Variants in EIF4E1B observed in about 807,000 individuals in gnomAD.
The protein encoded by EIF4E1B is eukaryotic translation initiation factor 4E family member 1B.
Under a neutral mutation model 31.3 loss-of-function variants are expected in EIF4E1B, and 22 were observed. That is an observed-to-expected ratio of 0.70 (90% CI 0.50 to 1.00). The LOEUF is 1.00. Among genes scored for constraint, EIF4E1B ranks in the 50% least tolerant of loss-of-function variants. EIF4E1B has a pLI of 0.00. For synonymous variants in EIF4E1B, 126 were observed against 120.2 expected (o/e 1.05, Z -0.31); for missense variants, 290 against 311.6 (o/e 0.93, Z 0.52).
chr5:176,643,771 G>T (rs1405236640), intron 5 of EIF4E1B, 37 bp downstream of exon 5: 3 of 1,581,694 alleles, frequency 1.9e-6, no homozygotes, highest in Non-Finnish European at 2.6e-6. Context: ...GAGTTGGGGG[G>T]CTCTGAGCTC....
In EIF4E1B at chr5:176,646,457, C is replaced by G. The variant is rs1328203781; in HGVS notation, c.*477C>G. 1 of 155,910 alleles carries G rather than the reference C, an allele frequency of 6.4e-6. No homozygotes were observed. Among genetic ancestry groups the G allele is most frequent in the African/African-American group, 2.4e-5 (1 of 41,540 alleles). The allele number at this position is 155,910 out of a possible 1,614,324, so 9.7% of individuals were successfully genotyped here. On this transcript the variant is annotated 3_prime_UTR_variant, in exon 9 of 9. Transcript: ENST00000318682. Reference sequence around the variant, plus strand: ...TGAGAGAGCCTTGCAAGGCCGCTCCCCTTCTCCCCAGCTGTGACCAGGGCT... The same window carrying G: ...TGAGAGAGCCTTGCAAGGCCGCTCCGCTTCTCCCCAGCTGTGACCAGGGCT...
At chr5:176,636,117 A>G (rs148639443) in intron 1 of EIF4E1B, among the ~76,000 whole-genome samples, 6 of 152,258 alleles carry the variant, frequency 3.9e-5, no homozygotes, top group Non-Finnish European at 8.8e-5. Context: ...GTTCCCAGCT[A>G]GATTCACCAA....
In EIF4E1B at chr5:176,646,516, A is replaced by AGT. The variant is rs1346065044; in HGVS notation, c.*538_*539dup. The AGT allele has an allele frequency of 2.0e-5, 3 of 152,934 alleles. No homozygotes were observed. The highest frequency in any genetic ancestry group is 4.4e-5 in the Non-Finnish European group (3 of 68,530). 9.5% of individuals were successfully genotyped at this position (152,934 alleles called of 1,614,324 possible). A position where few individuals can be genotyped will look rare whatever the true frequency, so the allele number is the denominator to read the frequency against. On this transcript the variant is annotated 3_prime_UTR_variant, in exon 9 of 9. Coordinates refer to ENST00000318682, the MANE Select transcript of EIF4E1B (RefSeq NM_001099408.2). ...CTTGCCTGCCTCAGGGCCAGACTGA[A>AGT]GTGGAGGTGGAGGGATGCTGGGCTA...
rs1760654430 is a variant in EIF4E1B at position 176,644,420 on chromosome 5, G to A, written c.341G>A (p.Cys114Tyr). 2 of 1,596,066 alleles carry A rather than the reference G, an allele frequency of 1.3e-6. No individual in the cohort carries two copies. The highest frequency in any genetic ancestry group is 1.3e-5 in the African/African-American group (1 of 74,584). ...IQLASKLSSG[C>Y]DYALFKDGIQ... ...CTGGCCAGCAAGCTCTCCTCTGGCTGTGACTACGCCCTCTTCAAGGTAAGC... is the reference window on the plus strand; with the variant it reads ...CTGGCCAGCAAGCTCTCCTCTGGCTATGACTACGCCCTCTTCAAGGTAAGC... Residue 114 changes from cysteine (C) to tyrosine (Y), a missense_variant, in exon 6 of 9, where the codon TGT becomes TAT. By Grantham distance (194) the Cys-to-Tyr change is radical. Coordinates refer to ENST00000318682, the MANE Select transcript of EIF4E1B (RefSeq NM_001099408.2).
intron 1 of EIF4E1B, among the ~76,000 whole-genome samples, chr5:176,637,466 A>G: frequency 6.6e-6 from 1 of 152,200 alleles, no homozygotes; most frequent in Middle Eastern, 3.2e-3. Context: ...GGGGACCTTG[A>G]GGAAGGCAAG....
Position 176,640,378 on chromosome 5 carries a change from C to T in EIF4E1B, c.-201-1665C>T, listed in dbSNP as rs75650798. 9.8e-3 allele frequency among the ~76,000 whole-genome samples: 1,492 copies of T among 152,336 alleles called. 27 individuals are homozygous for T. Among genetic ancestry groups the T allele is most frequent in the African/African-American group, 0.031 (1,298 of 41,564 alleles). Reference sequence around the variant, plus strand: ...GGGCTGTCCTACTGAGCACTACCCACATTGCACGCTTGTGAGCATAATAAA... The same window carrying T: ...GGGCTGTCCTACTGAGCACTACCCATATTGCACGCTTGTGAGCATAATAAA... On this transcript the variant is annotated intron_variant, in intron 1 of 8. Coordinates refer to ENST00000318682, the MANE Select transcript of EIF4E1B (RefSeq NM_001099408.2).
At chr5:176,632,898 G>A (rs1167697272) in intron 1 of EIF4E1B, among the ~76,000 whole-genome samples, 1 of 152,138 alleles carries the variant, frequency 6.6e-6, no homozygotes, top group African/African-American at 2.4e-5. Context: ...ACTGACAGGT[G>A]CAGCTCCAGA....
Position 176,631,083 on chromosome 5 carries a change from G to A in EIF4E1B, c.-202+19G>A, listed in dbSNP as rs1195932077. 2 of 152,376 alleles carry A rather than the reference G, an allele frequency of 1.3e-5. No homozygotes were observed. The highest frequency in any genetic ancestry group is 1.9e-4 in the East Asian group (1 of 5,204). The allele number at this position is 152,376 out of a possible 1,614,324, so 9.4% of individuals were successfully genotyped here. ...ACAGCTTGTAAGTTGTGAAGGTAAC[G>A]GTGATGTAACACGGGGACTAGAGGA... On this transcript the variant is annotated intron_variant, in intron 1 of 8. Transcript: ENST00000318682.
chr5:176,642,848 C>CT lies in EIF4E1B; in HGVS notation c.15+47dup. The CT allele has an allele frequency of 8.2e-6, 11 of 1,345,616 alleles. 1 individual carries two copies. Among genetic ancestry groups the CT allele is most frequent in the Non-Finnish European group, 1.1e-5 (11 of 1,028,806 alleles). The allele number at this position is 1,345,616 out of a possible 1,614,324, so 83.4% of individuals were successfully genotyped here. On this transcript the variant is annotated intron_variant, in intron 3 of 8. Coordinates refer to ENST00000318682, the MANE Select transcript of EIF4E1B (RefSeq NM_001099408.2). ...ACCCCCAGTGCACCATGGCCCCGCC[C>CT]TCTCCCCCCCCCCCCCCGCCCCAGG...
At chr5:176,643,556 G>A in intron 4 of EIF4E1B, 83 bp from the exon 5 acceptor site, 1 of 1,347,512 alleles carries the variant, frequency 7.4e-7, no homozygotes, top group Non-Finnish European at 1.0e-6. Flanking sequence ...TTGAAGGGGA[G>A]GGTCCTCCCT....
intron 1 of EIF4E1B, among the ~76,000 whole-genome samples, chr5:176,639,267 G>A (rs1760539726): frequency 6.6e-6 from 1 of 152,222 alleles, no homozygotes; most frequent in African/African-American, 2.4e-5. Context: ...GGGGAGTTGG[G>A]AGGGAGAGGA....
chr5:176,644,328 G>A, intron 5 of EIF4E1B, 48 bp from the exon 6 acceptor site: 1 of 1,549,194 alleles, frequency 6.5e-7, no homozygotes, highest in Non-Finnish European at 8.7e-7. Flanking sequence ...TTGGAACCAG[G>A]CCCTAAAAAG....
intron 1 of EIF4E1B, among the ~76,000 whole-genome samples, chr5:176,631,683 C>T (rs994809269): frequency 4.0e-5 from 6 of 151,718 alleles, no homozygotes; most frequent in Non-Finnish European, 7.4e-5. Context: ...CCCAACCAAC[C>T]AAACAAAAAA....
intron 1 of EIF4E1B, among the ~76,000 whole-genome samples, chr5:176,636,447 G>A (rs1294645701): frequency 6.6e-6 from 1 of 152,230 alleles, no homozygotes; most frequent in Admixed American, 6.5e-5. Context: ...AAGGGAACAT[G>A]GCAAAAGGTG....
chr5:176,646,069 A>C lies in EIF4E1B; in HGVS notation c.*89A>C. 1 of 1,144,636 alleles carries C rather than the reference A, an allele frequency of 8.7e-7. No homozygotes were observed. Among genetic ancestry groups the C allele is most frequent in the Non-Finnish European group, 1.3e-6 (1 of 790,572 alleles). The allele number at this position is 1,144,636 out of a possible 1,614,324, so 70.9% of individuals were successfully genotyped here. On this transcript the variant is annotated 3_prime_UTR_variant, in exon 9 of 9. Coordinates refer to ENST00000318682, the MANE Select transcript of EIF4E1B (RefSeq NM_001099408.2). ...GATGGGGCGGGACTGGGGATCAGACAGCCTAGTTCTTACCTGTCCTCAAGT... is the reference window on the plus strand; with the variant it reads ...GATGGGGCGGGACTGGGGATCAGACCGCCTAGTTCTTACCTGTCCTCAAGT...
intron 6 of EIF4E1B, 28 bp downstream of exon 6, chr5:176,644,467 C>T (rs557872587): frequency 2.3e-5 from 36 of 1,579,258 alleles, no homozygotes; most frequent in Non-Finnish European, 2.8e-5. Flanking sequence ...CTTTCCCTCC[C>T]GCAAAGGGAC....
At chr5:176,644,517 T>C in intron 6 of EIF4E1B, 78 bp downstream of exon 6, 2 of 709,016 alleles carry the variant, frequency 2.8e-6, no homozygotes, top group Non-Finnish European at 2.1e-6. Context: ...CGTTAATCCC[T>C]CAGAGGGGTG....
At chr5:176,641,859 T>G (rs1191843677) in intron 1 of EIF4E1B, 184 bp from the exon 2 acceptor site, 1 of 152,378 alleles carries the variant, frequency 6.6e-6, no homozygotes. Flanking sequence ...CGATAAAGGG[T>G]GTCCAAAGCT....
rs965524592 is a variant in EIF4E1B, at chr5:176,642,647, T to C, written c.-78-63T>C. 7 of 1,388,404 alleles carry C rather than the reference T, an allele frequency of 5.0e-6. No individual in the cohort carries two copies. In the South Asian group the frequency reaches 8.6e-5, roughly 17 times the overall value. 86.0% of individuals were successfully genotyped at this position (1,388,404 alleles called of 1,614,324 possible). A position where few individuals can be genotyped will look rare whatever the true frequency, so the allele number is the denominator to read the frequency against. On this transcript the variant is annotated intron_variant, in intron 2 of 8. Transcript: ENST00000318682. ...TCCACCTCACATTCTGGGGTCACCC[T>C]CCACGGGATGCAGACCTTGCTTTCC...
Sources: allele counts gnomAD v4.1 joint callset (sites outside exome capture counted in the v4.1 genomes callset), GRCh38; gene constraint gnomAD v4.1.1; transcripts MANE v1.5; gene names NCBI Gene and HGNC (gene_info 2026-07-23, HGNC 2026-07-21).